ANKRD26: variants seen among roughly 807,000 people sequenced by gnomAD.
The protein encoded by ANKRD26 is ankyrin repeat domain 26.
A neutral mutation model predicts 208.7 loss-of-function variants in ANKRD26; 141 were observed. The observed-to-expected ratio is 0.68, with a 90% CI of 0.59 to 0.78. The LOEUF is 0.78. Among genes scored for constraint, ANKRD26 ranks in the 30% least tolerant of loss-of-function variants. The pLI is 0.00. For synonymous variants in ANKRD26, 636 were observed against 660.4 expected, an observed-to-expected ratio of 0.96 and a Z score of 0.57; for missense variants, 1,889 against 1,938.7, an observed-to-expected ratio of 0.97 and a Z score of 0.48.
chr10:26,956,096 C>G, the ANKRD26 span, among the ~76,000 whole-genome samples: 1 of 152,110 alleles, frequency 6.6e-6, no homozygotes, highest in Non-Finnish European at 1.5e-5. Flanking sequence ...TCAGTTTCAT[C>G]TTAAAGTGGT....
At chr10:27,092,589 C>A in intron 3 of ANKRD26, 77 bp from the exon 4 acceptor site, 2 of 1,056,778 alleles carry the variant, frequency 1.9e-6, no homozygotes, top group Non-Finnish European at 2.9e-6. Context: ...TATGTCAGAT[C>A]CTTTGAACTG....
intron 9 of ANKRD26, among the ~76,000 whole-genome samples, chr10:27,073,069 C>T (rs931841004): frequency 6.6e-6 from 1 of 152,124 alleles, no homozygotes; most frequent in Admixed American, 6.5e-5. Context: ...GGGGCTGCTA[C>T]TCCCAGGGGA....
chr10:27,085,469 G>T (rs952632591), intron 5 of ANKRD26, among the ~76,000 whole-genome samples: 5 of 152,158 alleles, frequency 3.3e-5, no homozygotes, highest in Admixed American at 6.5e-5. Context: ...AATAAAGTCA[G>T]TAATAATAAG....
Position 27,046,398 on chromosome 10 carries a change from A to C in ANKRD26, c.1940T>G (p.Val647Gly), listed in dbSNP as rs368004242. ...TTCACTTAAACTGCTGTCATCATCCACTTGTAGCAGGCCACCAGTTAGTAA... is the reference window on the plus strand; with the variant it reads ...TTCACTTAAACTGCTGTCATCATCCCCTTGTAGCAGGCCACCAGTTAGTAA... ...ASLLTGGLLQ[V>G]DDDSSLSEID... Residue 647 changes from valine to glycine, a missense_variant, in exon 18 of 34, where the codon GTG (valine) becomes GGG (glycine). Physicochemically the swap from Val to Gly is moderately radical, Grantham distance 109. Coordinates refer to ENST00000376087, the MANE Select transcript of ANKRD26 (RefSeq NM_014915.3). 1.9e-6 allele frequency: 3 copies of C among 1,614,090 alleles called. No homozygotes were observed. Among genetic ancestry groups the C allele is most frequent in the East Asian group, 2.2e-5 (1 of 44,866 alleles).
downstream of ANKRD26, among the ~76,000 whole-genome samples, chr10:26,972,189 CGT>C (rs1428699288): frequency 1.3e-5 from 2 of 148,624 alleles, no homozygotes; most frequent in Non-Finnish European, 3.0e-5. Context: ...GAGCCGAGAT[CGT>C]GCCACTGCAC....
rs763930317 is a variant in ANKRD26 at position 27,035,277 on chromosome 10, TTA to T, written c.3171_3172del (p.Asp1057GlufsTer3). 4 of 1,613,922 alleles carry T rather than the reference TTA, an allele frequency of 2.5e-6. No homozygotes were observed. In the South Asian group the frequency reaches 4.4e-5, roughly 18 times the overall value. On this transcript the variant is annotated frameshift_variant, in exon 24 of 34. Coordinates refer to ENST00000376087, the MANE Select transcript of ANKRD26 (RefSeq NM_014915.3). LOFTEE classifies it high-confidence loss of function. ...TAGTTGTTGAGAAAGAATCTCATTGTTATCTTTTAGGTTAGACACATCAAAAT... is the reference window on the plus strand; with the variant it reads ...TAGTTGTTGAGAAAGAATCTCATTGTTCTTTTAGGTTAGACACATCAAAAT...
At chr10:27,062,106 CTCT>C in intron 12 of ANKRD26, 12 of 985,366 alleles carry the variant, frequency 1.2e-5, no homozygotes, top group Non-Finnish European at 1.4e-5. Context: ...CTCACGATCT[CTCT>C]TCTTTTGCAA....
chr10:27,021,663 C>T (rs973856552), intron 29 of ANKRD26, among the ~76,000 whole-genome samples: 6 of 152,026 alleles, frequency 3.9e-5, no homozygotes, highest in Non-Finnish European at 7.4e-5. Context: ...GAGTTGAGTT[C>T]CTTGTATATT....
chr10:26,999,612 C>T (rs2052673933), downstream of ANKRD26, among the ~76,000 whole-genome samples: 1 of 152,020 alleles, frequency 6.6e-6, no homozygotes, highest in African/African-American at 2.4e-5. Flanking sequence ...GAAGGAGAAA[C>T]CTCATTGGAG....
chr10:27,032,645 A>C (rs12781606), intron 25 of ANKRD26, among the ~76,000 whole-genome samples: 10 of 149,700 alleles, frequency 6.7e-5, no homozygotes, highest in East Asian at 2.0e-4. Flanking sequence ...CAAAAAAAAA[A>C]CAAAAAACAA....
intron 32 of ANKRD26, among the ~76,000 whole-genome samples, chr10:27,008,348 A>G (rs1406528773): frequency 2.6e-5 from 4 of 152,204 alleles, no homozygotes; most frequent in Middle Eastern, 7.9e-3. Context: ...GCCTTATACA[A>G]TGAATAATGT....
At chr10:26,963,065 T>C in the ANKRD26 span, among the ~76,000 whole-genome samples, 1 of 152,240 alleles carries the variant, frequency 6.6e-6, no homozygotes, top group East Asian at 1.9e-4. Context: ...AAGGTTAAGT[T>C]GTTTGTCCAA....
At chr10:27,070,826 C>T (rs533997805) in intron 9 of ANKRD26, among the ~76,000 whole-genome samples, 2 of 152,024 alleles carry the variant, frequency 1.3e-5, no homozygotes, top group Non-Finnish European at 2.9e-5. Flanking sequence ...CCACCACGCC[C>T]GGCTAATTTT....
intron 23 of ANKRD26, 80 bp from the exon 24 acceptor site, chr10:27,035,832 C>T (rs2054025084): frequency 4.7e-6 from 5 of 1,057,694 alleles, no homozygotes; most frequent in East Asian, 4.8e-5. Context: ...AAAGAATAAA[C>T]TGTACATTTT....
chr10:27,028,751 C>T, intron 27 of ANKRD26, 101 bp downstream of exon 27: 1 of 962,532 alleles, frequency 1.0e-6, no homozygotes, highest in Non-Finnish European at 1.6e-6. Flanking sequence ...AAATCTGAAA[C>T]ACTTCTGGTC....
At chr10:27,080,652 T>A (rs2055874746) in intron 6 of ANKRD26, 1 of 985,414 alleles carries the variant, frequency 1.0e-6, no homozygotes, top group African/African-American at 1.7e-5. Flanking sequence ...CACTTACAGA[T>A]CCCTCTTCTG....
downstream of ANKRD26, among the ~76,000 whole-genome samples, chr10:26,991,365 C>G (rs1400195517): frequency 1.3e-5 from 2 of 151,960 alleles, no homozygotes; most frequent in African/African-American, 4.8e-5. Flanking sequence ...GGAGACAGGT[C>G]TATGCTTTTC....
intron 4 of ANKRD26, among the ~76,000 whole-genome samples, chr10:26,997,592 A>G (rs1231831079): frequency 6.6e-6 from 1 of 152,150 alleles, no homozygotes; most frequent in East Asian, 1.9e-4. Flanking sequence ...GAGAGGTTTG[A>G]GAAGTTAATT....
rs1037473895 is a variant in ANKRD26 at position 27,046,178 on chromosome 10, G to A, written c.1985+175C>T. On this transcript the variant is annotated intron_variant, in intron 18 of 33. Transcript: ENST00000376087. Reference sequence around the variant, plus strand: ...CCATCCACTATAGTCAGGGCTCCATGGTGACCATTTATTGAAATGGCTGCT... The same window carrying A: ...CCATCCACTATAGTCAGGGCTCCATAGTGACCATTTATTGAAATGGCTGCT... The A allele has an allele frequency of 4.9e-5, 34 of 699,806 alleles. No individual in the cohort carries two copies. The South Asian group carries it at 6.2e-4, about 13-fold the overall frequency. 43.3% of individuals were successfully genotyped at this position (699,806 alleles called of 1,614,324 possible). A position where few individuals can be genotyped will look rare whatever the true frequency, so the allele number is the denominator to read the frequency against.
Sources: gnomAD v4.1 joint callset for allele counts (sites outside exome capture counted in the v4.1 genomes callset) on GRCh38, gnomAD v4.1.1 for gene constraint, MANE v1.5 for transcripts, NCBI Gene and HGNC (gene_info 2026-07-23, HGNC 2026-07-21) for gene names.